LRRC2: variants seen among roughly 807,000 people sequenced by gnomAD.
LRRC2 encodes leucine rich repeat containing 2, also known as leucine-rich repeat-containing protein 2.
Under a neutral mutation model 40.2 loss-of-function variants are expected in LRRC2, and 27 were observed. That is an observed-to-expected ratio of 0.67 (90% confidence interval 0.49 to 0.93). LRRC2 has a LOEUF of 0.93. Ranked by LOEUF, LRRC2 falls within the 40% of genes least tolerant of loss-of-function variation. The probability of loss-of-function intolerance (pLI) is 0.00; values close to 1 mark genes in which losing one functional copy is unlikely to be tolerated. For missense variants in LRRC2, 402 were observed against 439.6 expected (o/e 0.91, Z 0.76); for synonymous variants, 147 against 158.9 (o/e 0.92, Z 0.56).
At chr3:46,532,638 G>T in intron 5 of LRRC2, 135 bp downstream of exon 5, 2 of 988,610 alleles carry the variant, frequency 2.0e-6, no homozygotes, top group East Asian at 2.5e-5. Context: ...CCAGTATACG[G>T]TGATTGAAAT....
At chr3:46,549,806 C>A (rs1704603520) in intron 2 of LRRC2, among the ~76,000 whole-genome samples, 1 of 152,202 alleles carries the variant, frequency 6.6e-6, no homozygotes, top group Non-Finnish European at 1.5e-5. Flanking sequence ...TCCCCACTGC[C>A]AAGGGCGTGG....
At chr3:46,539,338 C>T (rs1190667471) in intron 3 of LRRC2, 137 bp from the exon 4 acceptor site, 2 of 786,456 alleles carry the variant, frequency 2.5e-6, no homozygotes, top group Non-Finnish European at 4.0e-6. Context: ...AGCACTCCAG[C>T]CATTTCAAAA....
At chr3:46,531,714 C>T (rs1047002507) in intron 5 of LRRC2, among the ~76,000 whole-genome samples, 1 of 152,090 alleles carries the variant, frequency 6.6e-6, no homozygotes, top group African/African-American at 2.4e-5. Context: ...CTCACCAGGA[C>T]CCCTGCTGTG....
chr3:46,544,817 C>A (rs1285739168), intron 3 of LRRC2, among the ~76,000 whole-genome samples: 1 of 152,150 alleles, frequency 6.6e-6, no homozygotes, highest in Non-Finnish European at 1.5e-5. Flanking sequence ...AGGAACGCAT[C>A]CTGAAAGACT....
intron 3 of LRRC2, 46 bp from the exon 4 acceptor site, chr3:46,539,247 GC>G (rs1221936482): frequency 6.4e-7 from 1 of 1,563,364 alleles, no homozygotes; most frequent in African/African-American, 1.4e-5. Flanking sequence ...TCCTCCGTGT[GC>G]ACAAAGCCGT....
chr3:46,553,623 G>T (rs1704715504), intron 1 of LRRC2, among the ~76,000 whole-genome samples: 1 of 152,114 alleles, frequency 6.6e-6, no homozygotes. Context: ...ATGTAGCTGG[G>T]ACCACAGTCG....
intron 3 of LRRC2, among the ~76,000 whole-genome samples, chr3:46,543,275 T>A (rs1704436706): frequency 6.6e-6 from 1 of 152,164 alleles, no homozygotes; most frequent in Non-Finnish European, 1.5e-5. Flanking sequence ...CCCAGCCTGC[T>A]GAATTCTAAC....
In LRRC2 at chr3:46,551,628, A is replaced by C; in HGVS notation, c.-19-18T>G. 9 of 1,573,042 alleles carry C rather than the reference A, an allele frequency of 5.7e-6. No individual in the cohort carries two copies. The highest frequency in any genetic ancestry group is 6.9e-6 in the Non-Finnish European group (8 of 1,159,302). On this transcript the variant is annotated intron_variant, in intron 1 of 8. Coordinates refer to ENST00000395905, the MANE Select transcript of LRRC2 (RefSeq NM_024512.5). ...GAAATTACCTATTTAAAAAATATAT[A>C]GATATGTCAGCTTGATACACAAACA...
chr3:46,522,855 C>A (rs1457243380), intron 7 of LRRC2, among the ~76,000 whole-genome samples: 1 of 151,430 alleles, frequency 6.6e-6, no homozygotes, highest in African/African-American at 2.4e-5. Flanking sequence ...TCTGTCTTCA[C>A]AATTTTCAAA....
At chr3:46,558,102 T>C (rs563698540) in intron 1 of LRRC2, 5 of 152,352 alleles carry the variant, frequency 3.3e-5, no homozygotes, top group African/African-American at 1.2e-4. Context: ...AAAGGGACTG[T>C]TCTGAGCCCA....
Position 46,545,096 on chromosome 3 carries a change from C to T in LRRC2, c.283G>A (p.Gly95Ser). ...TRQSSLPKDR[G>S]KRSSAFVFEL... ...AACACAAACGCACTGCTCCGTTTGC[C>T]TCTGTCCTTGGGAAGTGAACTCTGC... is the stretch of plus-strand genomic sequence containing the variant. Residue 95 changes from glycine to serine, a missense_variant, in exon 3 of 9, where the codon GGC becomes AGC. Transcript: ENST00000395905. 1.2e-6 allele frequency: 2 copies of T among 1,613,952 alleles called. No individual in the cohort carries two copies. Among genetic ancestry groups the T allele is most frequent in the Non-Finnish European group, 1.7e-6 (2 of 1,180,016 alleles).
At chr3:46,546,158 C>G (rs947204681) in intron 2 of LRRC2, among the ~76,000 whole-genome samples, 3 of 152,212 alleles carry the variant, frequency 2.0e-5, no homozygotes, top group African/African-American at 7.2e-5. Flanking sequence ...CTTTAGAAAC[C>G]AGCTGCAGGT....
chr3:46,546,797 C>A (rs941366990), intron 2 of LRRC2, among the ~76,000 whole-genome samples: 3 of 146,182 alleles, frequency 2.1e-5, no homozygotes, highest in Non-Finnish European at 4.5e-5. Context: ...CAGCTCACTG[C>A]AACCTCCACC....
chr3:46,555,699 T>C (rs2107048656), intron 1 of LRRC2, among the ~76,000 whole-genome samples: 1 of 152,308 alleles, frequency 6.6e-6, no homozygotes, highest in Non-Finnish European at 1.5e-5. Flanking sequence ...TGTCAATCAA[T>C]GTTATATTTT....
intron 3 of LRRC2, 55 bp downstream of exon 3, chr3:46,544,991 C>T (rs944584613): frequency 3.6e-5 from 55 of 1,510,774 alleles, no homozygotes; most frequent in Middle Eastern, 2.4e-4. Context: ...TGGGCTCAGG[C>T]GAGCAGCAGT....
intron 3 of LRRC2, among the ~76,000 whole-genome samples, chr3:46,540,392 G>T (rs1208607178): frequency 6.6e-6 from 1 of 152,108 alleles, no homozygotes; most frequent in Non-Finnish European, 1.5e-5. Context: ...AGGTGTGGTG[G>T]CGTGCACTTG....
chr3:46,531,952 GT>G (rs1704167863), intron 5 of LRRC2, among the ~76,000 whole-genome samples: 1 of 152,128 alleles, frequency 6.6e-6, no homozygotes, highest in South Asian at 2.1e-4. Flanking sequence ...ATTAAAAATT[GT>G]TCACTTTTAT....
intron 6 of LRRC2, among the ~76,000 whole-genome samples, chr3:46,528,896 G>A (rs1704109596): frequency 1.3e-5 from 2 of 152,058 alleles, no homozygotes; most frequent in Admixed American, 6.6e-5. Context: ...AGGATTGCTT[G>A]AGTCCAGGAA....
chr3:46,527,165 G>T (rs534200012), intron 7 of LRRC2, among the ~76,000 whole-genome samples: 1 of 152,278 alleles, frequency 6.6e-6, no homozygotes, highest in Non-Finnish European at 1.5e-5. Flanking sequence ...GAGATCACAG[G>T]CCCTGGACAT....
Sources: gnomAD v4.1 joint callset for allele counts (sites outside exome capture counted in the v4.1 genomes callset) on GRCh38, gnomAD v4.1.1 for gene constraint, MANE v1.5 for transcripts, NCBI Gene and HGNC (gene_info 2026-07-23, HGNC 2026-07-21) for gene names.